BBS5: variants seen among roughly 807,000 people sequenced by gnomAD.
BBS5 encodes Bardet-Biedl syndrome 5, also known as BBSome complex member BBS5.
Under a neutral mutation model 50.2 loss-of-function variants are expected in BBS5, and 39 were observed. That is an observed-to-expected ratio of 0.78 (90% CI 0.60 to 1.01). The LOEUF (loss-of-function observed/expected upper bound fraction) is 1.01. Among genes scored for constraint, BBS5 ranks in the 50% least tolerant of loss-of-function variants. BBS5 has a pLI of 0.00. For missense variants in BBS5, 356 were observed against 401.5 expected (o/e 0.89, Z 0.97); for synonymous variants, 134 against 133.1 (o/e 1.01, Z -0.05).
In BBS5 at chr2:169,503,433, G is replaced by A. The variant is rs55813192; in HGVS notation, c.900+255G>A. On this transcript the variant is annotated intron_variant, in intron 10 of 11. Transcript: ENST00000295240. ...CCGGCACTTTGGAAGGCCGAGGTAG[G>A]CTGATCGCTTGAGAGGATAGGAGTT... Among the ~76,000 whole-genome samples, 15,129 of 152,126 alleles carry A rather than the reference G, an allele frequency of 0.099. 957 individuals carry two copies. The highest frequency in any genetic ancestry group is 0.19 in the Middle Eastern group (55 of 292).
In BBS5 at chr2:169,479,603, T is replaced by C; in HGVS notation, c.50T>C (p.Leu17Pro). 2 of 1,614,152 alleles carry C rather than the reference T, an allele frequency of 1.2e-6. No homozygotes were observed. The highest frequency in any genetic ancestry group is 2.2e-5 in the South Asian group (2 of 91,086). Reference protein sequence around the residue: ...LWEDRDVRFDLSAQQMKTRPG... With the variant: ...LWEDRDVRFDPSAQQMKTRPG... ...GAGGATCGGGATGTCCGTTTCGACC[T>C]GTCCGCGCAGTGAGTTTCCAAGATT... is the stretch of plus-strand genomic sequence containing the variant. The change falls in exon 1 of 12, where the codon CTG (leucine) becomes CCG (proline). Residue 17 changes from leucine (L) to proline (P), a missense_variant. By Grantham distance (98) the Leu-to-Pro change is moderately conservative. Transcript: ENST00000295240.
chr2:169,481,052 C>G (rs1683383491), intron 1 of BBS5, among the ~76,000 whole-genome samples: 2 of 152,114 alleles, frequency 1.3e-5, no homozygotes, highest in South Asian at 2.1e-4. Flanking sequence ...AACATTTATC[C>G]ATGTTTTATT....
At chr2:169,498,618 C>G (rs1683738605) in intron 8 of BBS5, among the ~76,000 whole-genome samples, 1 of 151,660 alleles carries the variant, frequency 6.6e-6, no homozygotes, top group Non-Finnish European at 1.5e-5. Flanking sequence ...GAGATCGAGA[C>G]CACGGTGAAA....
Position 169,504,585 on chromosome 2 carries a change from G to T in BBS5, c.*3G>T. ...GACTTTGGGAAGTAATGAGTTGATT[G>T]ACCTTGAGTTGAGATGGATTTCTAT... On this transcript the variant is annotated 3_prime_UTR_variant, in exon 12 of 12. Transcript: ENST00000295240. 1 of 1,596,284 alleles carries T rather than the reference G, an allele frequency of 6.3e-7. No individual in the cohort carries two copies. The highest frequency in any genetic ancestry group is 1.1e-5 in the South Asian group (1 of 90,666).
chr2:169,495,833 A>AT (rs1683682112), intron 7 of BBS5, among the ~76,000 whole-genome samples: 1 of 151,868 alleles, frequency 6.6e-6, no homozygotes, highest in Non-Finnish European at 1.5e-5. Flanking sequence ...TTTTTTTGTA[A>AT]TTTTTGTAGA....
At chr2:169,492,747 T>TA in intron 5 of BBS5, 127 bp from the exon 6 acceptor site, 4 of 884,694 alleles carry the variant, frequency 4.5e-6, no homozygotes, top group Non-Finnish European at 6.8e-6. Context: ...ATAAAAATAT[T>TA]AAAATGTATC....
chr2:169,488,187 C>A (rs1279276549), intron 5 of BBS5, 73 bp downstream of exon 5: 4 of 1,486,898 alleles, frequency 2.7e-6, no homozygotes, highest in Non-Finnish European at 3.7e-6. Context: ...CAGTCCCCAA[C>A]CTTTTTGGCA....
chr2:169,497,085 C>G (rs1683707202), intron 7 of BBS5, among the ~76,000 whole-genome samples: 1 of 152,100 alleles, frequency 6.6e-6, no homozygotes, highest in South Asian at 2.1e-4. Flanking sequence ...TTTGGGAGAC[C>G]AAGAAAGGAG....
rs1683880645 is a variant in BBS5, at chr2:169,505,081, A to G, written c.*499A>G. 2 of 1,255,800 alleles carry G rather than the reference A, an allele frequency of 1.6e-6. No homozygotes were observed. The highest frequency in any genetic ancestry group is 1.7e-5 in the Admixed American group (1 of 58,408). The allele number at this position is 1,255,800 out of a possible 1,614,324, so 77.8% of individuals were successfully genotyped here. A position where few individuals can be genotyped will look rare whatever the true frequency, so the allele number is the denominator to read the frequency against. On this transcript the variant is annotated 3_prime_UTR_variant, in exon 12 of 12. Transcript: ENST00000295240. ...CTGATTCTCCTGCCTCAGCCTGCCG[A>G]GTGCCTGCGATTACAGGCGCGCGCC...
intron 9 of BBS5, among the ~76,000 whole-genome samples, chr2:169,501,505 T>C (rs1296442312): frequency 6.6e-6 from 1 of 152,120 alleles, no homozygotes; most frequent in African/African-American, 2.4e-5. Flanking sequence ...GGTGGGAGAA[T>C]CACGTGAGGC....
chr2:169,486,547 A>C (rs1574336411), intron 2 of BBS5, among the ~76,000 whole-genome samples: 2 of 152,316 alleles, frequency 1.3e-5, no homozygotes, highest in East Asian at 3.9e-4. Flanking sequence ...CTTCAGCCTG[A>C]CCATAACTTC....
intron 10 of BBS5, among the ~76,000 whole-genome samples, chr2:169,504,077 A>G (rs572461587): frequency 3.3e-5 from 5 of 152,308 alleles, no homozygotes; most frequent in African/African-American, 1.2e-4. Context: ...CTAATCATAC[A>G]TTACAAAGCA....
chr2:169,487,240 A>G (rs954299754), intron 3 of BBS5, 106 bp downstream of exon 3: 19 of 786,194 alleles, frequency 2.4e-5, no homozygotes, highest in Non-Finnish European at 3.9e-5. Context: ...TAATAAAAAT[A>G]AAAAACCTTC....
Position 169,499,573 on chromosome 2 carries a change from T to C in BBS5, c.769T>C (p.Tyr257His). 6.2e-7 allele frequency: 1 copy of C among 1,613,892 alleles called. No individual in the cohort carries two copies. Among genetic ancestry groups the C allele is most frequent in the Non-Finnish European group, 8.5e-7 (1 of 1,179,806 alleles). ...GGAAATCAATTCACTTCACAAAGTC[T>C]ATTCTGCCAGTCCCATATTTGGAGT... ...VKEINSLHKV[Y>H]SASPIFGVDY... Residue 257 changes from tyrosine (Y) to histidine (H), a missense_variant, in exon 9 of 12, where the codon TAT (tyrosine) becomes CAT (histidine). Tyr to His is a moderately conservative substitution (Grantham distance 83). Transcript: ENST00000295240.
intron 10 of BBS5, among the ~76,000 whole-genome samples, chr2:169,503,495 C>T (rs1683846050): frequency 6.6e-6 from 1 of 151,370 alleles, no homozygotes; most frequent in Non-Finnish European, 1.5e-5. Flanking sequence ...AAATCCATTT[C>T]TATAAAAAAA....
chr2:169,502,763 G>A (rs938966222), intron 9 of BBS5, among the ~76,000 whole-genome samples: 1 of 152,108 alleles, frequency 6.6e-6, no homozygotes, highest in Admixed American at 6.5e-5. Flanking sequence ...GAGGAAAACT[G>A]AACATTTGCT....
chr2:169,492,409 G>C (rs1023715112), intron 5 of BBS5, among the ~76,000 whole-genome samples: 3 of 151,168 alleles, frequency 2.0e-5, no homozygotes, highest in Non-Finnish European at 2.9e-5. Context: ...AGAATCACTT[G>C]AACCTGGGAG....
chr2:169,501,441 T>C (rs558031000), intron 9 of BBS5, among the ~76,000 whole-genome samples: 6 of 152,292 alleles, frequency 3.9e-5, no homozygotes, highest in South Asian at 2.1e-4. Flanking sequence ...AAAATTGATA[T>C]AGGGCTAGCC....
At chr2:169,482,652 G>A (rs1683418203) in intron 2 of BBS5, 1 of 339,880 alleles carries the variant, frequency 2.9e-6, no homozygotes, top group South Asian at 2.8e-5. Flanking sequence ...TGGGGTAGTG[G>A]AATATAAGTA....
Sources: allele counts gnomAD v4.1 joint callset (sites outside exome capture counted in the v4.1 genomes callset), GRCh38; gene constraint gnomAD v4.1.1; transcripts MANE v1.5; gene names NCBI Gene and HGNC (gene_info 2026-07-23, HGNC 2026-07-21).